The following HEMK2 variants were observed in gnomAD, a reference collection of about 807,000 sequenced individuals.
HEMK2 encodes the protein methyltransferase HEMK2.
chr21:28,695,087 G>A, the HEMK2 span, among the ~76,000 whole-genome samples: 1 of 151,806 alleles, frequency 6.6e-6, no homozygotes, highest in South Asian at 2.1e-4. Context: ...GCCAATATGC[G>A]ATCTTTTATC....
At chr21:28,653,421 C>G in the HEMK2 span, among the ~76,000 whole-genome samples, 56 of 152,140 alleles carry the variant, frequency 3.7e-4, no homozygotes, top group Non-Finnish European at 7.6e-4. Context: ...CTAAACTGGT[C>G]CAGCTCCTTG....
At chr21:28,864,816 C>CAGATAGAT in the HEMK2 span, among the ~76,000 whole-genome samples, 4 of 117,726 alleles carry the variant, frequency 3.4e-5, no homozygotes, top group South Asian at 5.8e-4. Context: ...GAAAGACAGA[C>CAGATAGAT]AGACAGATAG....
the HEMK2 span, among the ~76,000 whole-genome samples, chr21:28,607,395 A>G: frequency 3.9e-5 from 6 of 152,200 alleles, no homozygotes; most frequent in African/African-American, 1.4e-4. Flanking sequence ...TGGGCAATAC[A>G]GCGAGACTCC....
the HEMK2 span, among the ~76,000 whole-genome samples, chr21:28,632,085 T>G: frequency 2.0e-5 from 3 of 152,208 alleles, no homozygotes; most frequent in African/African-American, 7.2e-5. Flanking sequence ...AATATCTTAC[T>G]GAAGTAAAGG....
chr21:28,826,535 G>A, the HEMK2 span, among the ~76,000 whole-genome samples: 2 of 152,152 alleles, frequency 1.3e-5, no homozygotes, highest in African/African-American at 4.8e-5. Context: ...TGGGGAGCAT[G>A]AGGGCCACTA....
the HEMK2 span, among the ~76,000 whole-genome samples, chr21:28,831,729 AGG>A: frequency 1.5e-4 from 21 of 140,058 alleles, no homozygotes; most frequent in East Asian, 8.8e-4. Flanking sequence ...GAAGGAAGGA[AGG>A]AAGGAAAGAA....
chr21:28,584,694 G>A, the HEMK2 span, among the ~76,000 whole-genome samples: 3 of 152,276 alleles, frequency 2.0e-5, no homozygotes, highest in East Asian at 5.8e-4. Context: ...GCAGGGTACT[G>A]TGGACTAAGC....
chr21:28,704,862 G>T, the HEMK2 span, among the ~76,000 whole-genome samples: 1 of 152,106 alleles, frequency 6.6e-6, no homozygotes, highest in Non-Finnish European at 1.5e-5. Flanking sequence ...ATTTGTCCTG[G>T]TCCCTGTACC....
the HEMK2 span, among the ~76,000 whole-genome samples, chr21:28,684,686 A>T: frequency 5.6e-3 from 858 of 152,336 alleles, 8 homozygotes; most frequent in African/African-American, 0.02. Context: ...CAAACCTGAC[A>T]TCAACACGTG....
At chr21:28,653,377 C>G in the HEMK2 span, among the ~76,000 whole-genome samples, 3 of 152,112 alleles carry the variant, frequency 2.0e-5, no homozygotes, top group Admixed American at 1.3e-4. Flanking sequence ...GAACCCATGA[C>G]CACCCACTCT....
At chr21:28,855,288 A>T in the HEMK2 span, among the ~76,000 whole-genome samples, 22 of 152,344 alleles carry the variant, frequency 1.4e-4, no homozygotes, top group African/African-American at 5.3e-4. Flanking sequence ...AGGGTAAAGG[A>T]TTGAAGTCAA....
the HEMK2 span, among the ~76,000 whole-genome samples, chr21:28,845,878 T>G: frequency 6.6e-6 from 1 of 152,084 alleles, no homozygotes; most frequent in Admixed American, 6.6e-5. Flanking sequence ...GTTTCATGTA[T>G]AGATAATTTT....
chr21:28,734,437 C>T, the HEMK2 span, among the ~76,000 whole-genome samples: 23 of 152,162 alleles, frequency 1.5e-4, no homozygotes, highest in Non-Finnish European at 1.3e-4. Context: ...TTATAATTTG[C>T]AATCATATTT....
the HEMK2 span, among the ~76,000 whole-genome samples, chr21:28,778,170 C>G: frequency 1.3e-5 from 2 of 152,212 alleles, no homozygotes; most frequent in Non-Finnish European, 2.9e-5. Context: ...GGCTATCCTC[C>G]AATTCTAAAA....
At chr21:28,647,011 A>G in the HEMK2 span, among the ~76,000 whole-genome samples, 1 of 152,196 alleles carries the variant, frequency 6.6e-6, no homozygotes, top group African/African-American at 2.4e-5. Flanking sequence ...GGAAAAGAAC[A>G]TTAAGGGTGA....
chr21:28,882,140 C>T, the HEMK2 span: 2 of 1,543,790 alleles, frequency 1.3e-6, no homozygotes, highest in African/African-American at 1.4e-5. Context: ...AAAATTATTA[C>T]TGGACAAAGA....
chr21:28,701,263 C>T, the HEMK2 span, among the ~76,000 whole-genome samples: 10 of 152,146 alleles, frequency 6.6e-5, no homozygotes, highest in African/African-American at 2.4e-4. Flanking sequence ...CTCTCCACTC[C>T]TATTCAACAT....
the HEMK2 span, among the ~76,000 whole-genome samples, chr21:28,862,523 CA>C: frequency 6.9e-6 from 1 of 145,210 alleles, no homozygotes; most frequent in Non-Finnish European, 1.5e-5. Flanking sequence ...CCTGTAGTCC[CA>C]GCTACTCGGG....
chr21:28,762,856 T>A, the HEMK2 span, among the ~76,000 whole-genome samples: 2 of 152,266 alleles, frequency 1.3e-5, no homozygotes, highest in Non-Finnish European at 2.9e-5. Flanking sequence ...AATTACTCCA[T>A]CCGTCATATG....
Sources: allele counts gnomAD v4.1 joint callset (sites outside exome capture counted in the v4.1 genomes callset), GRCh38; gene constraint gnomAD v4.1.1; transcripts MANE v1.5; gene names NCBI Gene and HGNC (gene_info 2026-07-23, HGNC 2026-07-21).